The following SLC1A6 variants were observed in gnomAD, a reference collection of about 807,000 sequenced individuals.
The protein encoded by SLC1A6 is solute carrier family 1 member 6.
A neutral mutation model predicts 42.1 loss-of-function variants in SLC1A6; 15 were observed. The observed-to-expected ratio is 0.36, with a 90% confidence interval of 0.24 to 0.55. The LOEUF is 0.55. SLC1A6 is among the 20% of genes least tolerant of loss of function. The probability of loss-of-function intolerance (pLI) is 0.88; values close to 1 mark genes in which losing one functional copy is unlikely to be tolerated. For missense variants in SLC1A6, 542 were observed against 772.5 expected (o/e 0.70, Z 3.54); for synonymous variants, 317 against 319.7 (o/e 0.99, Z 0.09).
chr19:14,952,876 A>G, intron 9 of SLC1A6, 52 bp downstream of exon 9: 1 of 1,582,952 alleles, frequency 6.3e-7, no homozygotes, highest in Non-Finnish European at 8.6e-7. Context: ...TGCAGGGGAA[A>G]GCAGTGTGTG....
intron 1 of SLC1A6, among the ~76,000 whole-genome samples, chr19:15,002,989 T>TG (rs368649569): frequency 1.3e-5 from 2 of 151,700 alleles, no homozygotes; most frequent in African/African-American, 2.4e-5. Context: ...TTGTTGTTAT[T>TG]TTGTTTTTTG....
chr19:14,979,795 C>T lies in SLC1A6; in HGVS notation c.-494G>A, dbSNP rs1342763972. On this transcript the variant is annotated 5_prime_UTR_variant, in exon 1 of 10. Coordinates refer to ENST00000594383, the MANE Select transcript of SLC1A6 (RefSeq NM_005071.3). The surrounding 1 kb of genome is among the most constrained non-coding windows in gnomAD (Gnocchi z 4.2). Reference sequence around the variant, plus strand: ...CCCTCCGCGATGCCCTCCGCCTCCCCCGCGCCCAGCCCAGGCTCCGCAGCC... The same window carrying T: ...CCCTCCGCGATGCCCTCCGCCTCCCTCGCGCCCAGCCCAGGCTCCGCAGCC... 2 of 152,246 alleles carry T rather than the reference C, an allele frequency of 1.3e-5. No homozygotes were observed. The highest frequency in any genetic ancestry group is 2.0e-4 in the East Asian group (1 of 5,118). 9.4% of individuals were successfully genotyped at this position (152,246 alleles called of 1,614,324 possible).
rs1251237049 is a variant in SLC1A6, at chr19:14,968,520, T to C, written c.344-13A>G. 6.3e-7 allele frequency: 1 copy of C among 1,597,490 alleles called. No homozygotes were observed. Among genetic ancestry groups the C allele is most frequent in the Admixed American group, 1.7e-5 (1 of 59,292 alleles). ...AGGGATGCCATACCTGAAGGACAGA[T>C]GATGTGGCCCCCGCAGCTCCATGCA... On this transcript the variant is annotated splice_polypyrimidine_tract_variant and intron_variant, in intron 3 of 9. Coordinates refer to ENST00000594383, the MANE Select transcript of SLC1A6 (RefSeq NM_005071.3).
chr19:14,985,669 A>T (rs1364626577), intron 1 of SLC1A6, among the ~76,000 whole-genome samples: 1 of 152,228 alleles, frequency 6.6e-6, no homozygotes, highest in Non-Finnish European at 1.5e-5. Context: ...CCTTTATAGC[A>T]ATGCAAACAG....
chr19:15,002,697 G>A (rs541823826), intron 1 of SLC1A6, among the ~76,000 whole-genome samples: 55 of 152,056 alleles, frequency 3.6e-4, no homozygotes, highest in Non-Finnish European at 7.4e-4. Flanking sequence ...GGTGGATGGC[G>A]GACAACCAGC....
At chr19:14,987,365 G>C (rs561917699) in intron 1 of SLC1A6, among the ~76,000 whole-genome samples, 1 of 152,030 alleles carries the variant, frequency 6.6e-6, no homozygotes, top group Non-Finnish European at 1.5e-5. Flanking sequence ...TACTCGGGAG[G>C]CTGAGGCAGA....
rs2045517330 is a variant in SLC1A6 at position 14,962,034 on chromosome 19, C to T, written c.903G>A (p.Glu301=). 6.2e-7 allele frequency: 1 copy of T among 1,613,918 alleles called. No individual in the cohort carries two copies. Among genetic ancestry groups the T allele is most frequent in the Admixed American group, 1.7e-5 (1 of 59,998 alleles). The change falls in exon 6 of 10, where the codon GAG becomes GAA. Residue 301 remains glutamate (E), a synonymous_variant. Transcript: ENST00000594383. The stretch of plus-strand genomic sequence containing the variant: ...TGATGCCCACCAGCCTCATAATAGC[C>T]TCATTGAGGCTGTCGAAGAAGTCCC... The part of the protein sequence containing the change: ...VLRDFFDSLN[E]AIMRLVGIII...
chr19:14,950,739 A>G (rs1250934317), intron 9 of SLC1A6, among the ~76,000 whole-genome samples: 1 of 152,016 alleles, frequency 6.6e-6, no homozygotes, highest in Non-Finnish European at 1.5e-5. Flanking sequence ...CCAGGAGTTC[A>G]AGACCAGCCT....
chr19:14,962,210 C>A lies in SLC1A6; in HGVS notation c.727G>T (p.Ala243Ser). 6.2e-7 allele frequency: 1 copy of A among 1,614,192 alleles called. No individual in the cohort carries two copies. Among genetic ancestry groups the A allele is most frequent in the South Asian group, 1.1e-5 (1 of 91,086 alleles). The change falls in exon 6 of 10, where the codon GCC (alanine) becomes TCC (serine). Residue 243 changes from alanine to serine, a missense_variant. Physicochemically the swap from Ala to Ser is moderately conservative, Grantham distance 99 (BLOSUM62 1). This residue lies in a region of SLC1A6 where 298 missense variants were observed against 419.4 expected (regional missense o/e 0.71). Coordinates refer to ENST00000594383, the MANE Select transcript of SLC1A6 (RefSeq NM_005071.3). ...AGCATCTCCTGCAGGGTACCCAAGG[C>A]CCGAGTGACATTTTCCAGGAAGCTG... ...GTSFLENVTR[A>S]LGTLQEMLSF...
At chr19:14,974,533 G>C (rs887622080) in intron 1 of SLC1A6, 1 of 151,590 alleles carries the variant, frequency 6.6e-6, no homozygotes, top group African/African-American at 2.4e-5. Flanking sequence ...GTACAGGGCG[G>C]CTCAGAAATT....
chr19:14,992,924 T>C (rs1461474373), intron 1 of SLC1A6, among the ~76,000 whole-genome samples: 3 of 152,052 alleles, frequency 2.0e-5, no homozygotes, highest in Admixed American at 2.0e-4. Context: ...ATTAATTAAT[T>C]AGGGCAGAGC....
At chr19:15,000,733 G>A (rs527788953) in intron 1 of SLC1A6, among the ~76,000 whole-genome samples, 5 of 152,178 alleles carry the variant, frequency 3.3e-5, no homozygotes, top group South Asian at 2.1e-4. Flanking sequence ...GTTTTCACAC[G>A]GCATTGTCCC....
At chr19:14,989,040 C>A (rs2045805949) in intron 1 of SLC1A6, among the ~76,000 whole-genome samples, 1 of 151,984 alleles carries the variant, frequency 6.6e-6, no homozygotes, top group Non-Finnish European at 1.5e-5. Context: ...GGAAGAAAGT[C>A]AAATACCAAA....
At chr19:15,007,021 C>T (rs773284641) in intron 1 of SLC1A6, among the ~76,000 whole-genome samples, 18 of 151,992 alleles carry the variant, frequency 1.2e-4, no homozygotes, top group Non-Finnish European at 5.9e-5. Context: ...CTAATAAGTA[C>T]GTATTGAGTG....
chr19:14,971,952 G>A (rs2045645297), intron 2 of SLC1A6, 78 bp from the exon 3 acceptor site: 1 of 1,468,798 alleles, frequency 6.8e-7, no homozygotes. Flanking sequence ...TCCCAAGAAG[G>A]GTAGGGCAAG....
chr19:14,950,073 C>T lies in SLC1A6; in HGVS notation c.*122G>A, dbSNP rs1464536542. 3.3e-6 allele frequency: 2 copies of T among 610,174 alleles called. No individual in the cohort carries two copies. Among genetic ancestry groups the T allele is most frequent in the African/African-American group, 3.7e-5 (2 of 53,640 alleles). 37.8% of individuals were successfully genotyped at this position (610,174 alleles called of 1,614,324 possible). On this transcript the variant is annotated 3_prime_UTR_variant, in exon 10 of 10. Transcript: ENST00000594383. ...CTCCTTTATTTCACTTTTCCCTCCC[C>T]CCTAAATGAGTCAAGCAGAACGTGT... is the stretch of plus-strand genomic sequence containing the variant.
intron 9 of SLC1A6, among the ~76,000 whole-genome samples, chr19:14,951,793 C>T (rs986448367): frequency 6.6e-6 from 1 of 151,972 alleles, no homozygotes; most frequent in Admixed American, 6.6e-5. Flanking sequence ...GCTGGGATTA[C>T]AGGCGTGAGC....
Position 14,952,990 on chromosome 19 carries a change from C to G in SLC1A6, c.1437G>C (p.Val479=). Residue 479 remains valine, a synonymous_variant, in exon 9 of 10, where the codon GTG becomes GTC. Transcript: ENST00000594383. The part of the protein sequence containing the change: ...PQAGLVTMVI[V]LTSVGLPTED... ...CCGTGGGCAAGCCGACCGACGTAAG[C>G]ACAATGACCATGGTGACCAGACCCG... The G allele has an allele frequency of 6.2e-7, 1 of 1,614,048 alleles. No homozygotes were observed. The highest frequency in any genetic ancestry group is 8.5e-7 in the Non-Finnish European group (1 of 1,180,004).
At position 14,962,205 on chromosome 19, in the gene SLC1A6, C is replaced by G; in HGVS notation, c.732G>C (p.Leu244Phe). The part of the protein sequence containing the change: ...TSFLENVTRA[L>F]GTLQEMLSFE... ...AGCTCAGCATCTCCTGCAGGGTACCCAAGGCCCGAGTGACATTTTCCAGGA... is the reference window on the plus strand; with the variant it reads ...AGCTCAGCATCTCCTGCAGGGTACCGAAGGCCCGAGTGACATTTTCCAGGA... Residue 244 changes from leucine (L) to phenylalanine (F), a missense_variant, in exon 6 of 10, where the codon TTG becomes TTC. By Grantham distance (22) the Leu-to-Phe change is conservative. Coordinates refer to ENST00000594383, the MANE Select transcript of SLC1A6 (RefSeq NM_005071.3). 3 of 1,614,182 alleles carry G rather than the reference C, an allele frequency of 1.9e-6. No homozygotes were observed. The highest frequency in any genetic ancestry group is 2.5e-6 in the Non-Finnish European group (3 of 1,180,040).
Sources: allele counts gnomAD v4.1 joint callset (sites outside exome capture counted in the v4.1 genomes callset), GRCh38; gene constraint gnomAD v4.1.1; regional missense constraint gnomAD v4.1.1; non-coding constraint Gnocchi (gnomAD v3.1); transcripts MANE v1.5; gene names NCBI Gene and HGNC (gene_info 2026-07-23, HGNC 2026-07-21).